KLF2: variants seen among roughly 807,000 people sequenced by gnomAD.
KLF2 encodes KLF transcription factor 2.
Under a neutral mutation model 22.2 loss-of-function variants are expected in KLF2, and 9 were observed. The observed-to-expected ratio is 0.40, with a 90% CI of 0.24 to 0.71. The LOEUF (loss-of-function observed/expected upper bound fraction) is 0.71, where lower values mean the gene tolerates loss of function less well. KLF2 is among the 30% of genes least tolerant of loss of function. The probability of loss-of-function intolerance (pLI) is 0.35; values close to 1 mark genes in which losing one functional copy is unlikely to be tolerated. For synonymous variants in KLF2, 299 were observed against 264.2 expected, an observed-to-expected ratio of 1.13 and a Z score of -1.28; for missense variants, 481 against 542.1, an observed-to-expected ratio of 0.89 and a Z score of 1.12.
Position 16,327,155 on chromosome 19 carries a change from C to A in KLF2, c.*124C>A. On this transcript the variant is annotated 3_prime_UTR_variant, in exon 3 of 3. Coordinates refer to ENST00000248071, the MANE Select transcript of KLF2 (RefSeq NM_016270.4). ...AACCGGGCCGGGCACAGCGTGGCTA[C>A]AGAGGGTCTCCCTCGATGACGACGA... 1.1e-6 allele frequency: 1 copy of A among 942,722 alleles called. No homozygotes were observed. The highest frequency in any genetic ancestry group is 1.5e-6 in the Non-Finnish European group (1 of 658,936). 58.4% of individuals were successfully genotyped at this position (942,722 alleles called of 1,614,324 possible). A position where few individuals can be genotyped will look rare whatever the true frequency, so the allele number is the denominator to read the frequency against.
Position 16,325,777 on chromosome 19 carries a change from C to CCGCCTG in KLF2, c.642_647dup (p.Ala215_Pro216dup). The CCGCCTG allele has an allele frequency of 3.1e-6, 4 of 1,291,834 alleles. No individual in the cohort carries two copies. Among genetic ancestry groups the CCGCCTG allele is most frequent in the Non-Finnish European group, 2.9e-6 (3 of 1,025,434 alleles). The allele number at this position is 1,291,834 out of a possible 1,614,324, so 80.0% of individuals were successfully genotyped here. On this transcript the variant is annotated inframe_insertion, in exon 2 of 3. Transcript: ENST00000248071. ...GCCCGGGCCCGGCCTGCATTACGCG[C>CCGCCTG]CGCCTGCGCCCCCAGCCTTCGGTCT...
chr19:16,325,284 C>T lies in KLF2; in HGVS notation c.144C>T (p.Ile48=), dbSNP rs919725556. 20 of 1,537,004 alleles carry T rather than the reference C, an allele frequency of 1.3e-5. No homozygotes were observed. The highest frequency in any genetic ancestry group is 7.2e-5 in the South Asian group (6 of 83,724). The change falls in exon 2 of 3, where the codon ATC becomes ATT. Residue 48 remains isoleucine (I), a synonymous_variant. Coordinates refer to ENST00000248071, the MANE Select transcript of KLF2 (RefSeq NM_016270.4). The stretch of plus-strand genomic sequence containing the variant: ...ACCTCAACAGCGTGCTGGACTTCAT[C>T]CTGTCCATGGGGCTGGATGGCCTGG... ...DDDLNSVLDF[I]LSMGLDGLGA...
Position 16,325,465 on chromosome 19 carries a change from C to T in KLF2, c.325C>T (p.His109Tyr), listed in dbSNP as rs1229238819. Residue 109 changes from histidine (H) to tyrosine (Y), a missense_variant, in exon 2 of 3, where the codon CAC (histidine) becomes TAC (tyrosine). Physicochemically the swap from His to Tyr is moderately conservative, Grantham distance 83. Coordinates refer to ENST00000248071, the MANE Select transcript of KLF2 (RefSeq NM_016270.4). ...ELDAPLGPAL[H>Y]GRFLLAPPGR... ...GGATGCGCCGCTGGGGCCCGCACTG[C>T]ACGGCCGCTTTCTGCTGGCGCCGCC... 7.2e-7 allele frequency: 1 copy of T among 1,385,742 alleles called. No individual in the cohort carries two copies. The highest frequency in any genetic ancestry group is 9.3e-7 in the Non-Finnish European group (1 of 1,074,538). The allele number at this position is 1,385,742 out of a possible 1,614,324, so 85.8% of individuals were successfully genotyped here. A position where few individuals can be genotyped will look rare whatever the true frequency, so the allele number is the denominator to read the frequency against.
In KLF2 at chr19:16,328,069, C is replaced by T. The variant is rs1220961106; in HGVS notation, c.*1038C>T. Among the ~76,000 whole-genome samples the T allele has an allele frequency of 6.6e-6, 1 of 152,132 alleles. No homozygotes were observed. Among genetic ancestry groups the T allele is most frequent in the Non-Finnish European group, 1.5e-5 (1 of 68,026 alleles). ...GTGAAACCTGCATTCGAGGGCCATGCATGAAGCTCTTTTCCAGATGAGGAA... is the reference window on the plus strand; with the variant it reads ...GTGAAACCTGCATTCGAGGGCCATGTATGAAGCTCTTTTCCAGATGAGGAA... On this transcript the variant is annotated 3_prime_UTR_variant, in exon 3 of 3. Coordinates refer to ENST00000248071, the MANE Select transcript of KLF2 (RefSeq NM_016270.4).
In KLF2 at chr19:16,326,941, C is replaced by T. The variant is rs776929978; in HGVS notation, c.978C>T (p.His326=). 141 of 1,613,450 alleles carry T rather than the reference C, an allele frequency of 8.7e-5. No homozygotes were observed. The highest frequency in any genetic ancestry group is 1.1e-4 in the Non-Finnish European group (133 of 1,179,978). The change falls in exon 3 of 3, where the codon CAC becomes CAT. Residue 326 remains histidine, a synonymous_variant. Coordinates refer to ENST00000248071, the MANE Select transcript of KLF2 (RefSeq NM_016270.4). The part of the protein sequence containing the change: ...SDELTRHYRK[H]TGHRPFQCHL... The stretch of plus-strand genomic sequence containing the variant: ...AGCTCACGCGCCACTACCGAAAGCA[C>T]ACGGGCCACCGGCCATTCCAGTGCC...
chr19:16,325,755 C>G lies in KLF2; in HGVS notation c.615C>G (p.Pro205=). The change falls in exon 2 of 3, where the codon CCC becomes CCG. Residue 205 remains proline (P), a synonymous_variant. Coordinates refer to ENST00000248071, the MANE Select transcript of KLF2 (RefSeq NM_016270.4). ...PPFGGPGFGA[P]GPGLHYAPPA... ...TCGGTGGCCCTGGTTTCGGCGCGCC[C>G]GGGCCCGGCCTGCATTACGCGCCGC... 2 of 1,228,664 alleles carry G rather than the reference C, an allele frequency of 1.6e-6. No homozygotes were observed. The highest frequency in any genetic ancestry group is 6.8e-5 in the East Asian group (2 of 29,252). The allele number at this position is 1,228,664 out of a possible 1,614,324, so 76.1% of individuals were successfully genotyped here. A position where few individuals can be genotyped will look rare whatever the true frequency, so the allele number is the denominator to read the frequency against.
Position 16,325,350 on chromosome 19 carries a change from G to A in KLF2, c.210G>A (p.Pro70=), listed in dbSNP as rs1475013797. Residue 70 remains proline, a synonymous_variant, in exon 2 of 3, where the codon CCG becomes CCA. Coordinates refer to ENST00000248071, the MANE Select transcript of KLF2 (RefSeq NM_016270.4). ...AAPEPPPPPP[P]PAFYYPEPGA... is the part of the protein sequence containing the mutation. ...CGGAGCCGCCGCCGCCGCCCCCGCCGCCTGCGTTCTATTACCCCGAACCCG... is the reference window on the plus strand; with the variant it reads ...CGGAGCCGCCGCCGCCGCCCCCGCCACCTGCGTTCTATTACCCCGAACCCG... 2.0e-6 allele frequency: 3 copies of A among 1,464,920 alleles called. No individual in the cohort carries two copies. The highest frequency in any genetic ancestry group is 2.9e-5 in the East Asian group (1 of 34,272). 90.7% of individuals were successfully genotyped at this position (1,464,920 alleles called of 1,614,324 possible). A position where few individuals can be genotyped will look rare whatever the true frequency, so the allele number is the denominator to read the frequency against.
In KLF2 at chr19:16,325,603, CCGG is replaced by C. The variant is rs2091886901; in HGVS notation, c.468_470del (p.Ala157del). On this transcript the variant is annotated inframe_deletion, in exon 2 of 3. Coordinates refer to ENST00000248071, the MANE Select transcript of KLF2 (RefSeq NM_016270.4). ...CCTCAAGCGCGAGGGCGCCCCGGGC[CCGG>C]CGGCTTCGTGCATGCGAGGTCCCGG... 2 of 1,121,944 alleles carry C rather than the reference CCGG, an allele frequency of 1.8e-6. No homozygotes were observed. Among genetic ancestry groups the C allele is most frequent in the Non-Finnish European group, 2.2e-6 (2 of 919,508 alleles). 69.5% of individuals were successfully genotyped at this position (1,121,944 alleles called of 1,614,324 possible).
chr19:16,327,292 ATC>A lies in KLF2; in HGVS notation c.*263_*264del. On this transcript the variant is annotated 3_prime_UTR_variant, in exon 3 of 3. Coordinates refer to ENST00000248071, the MANE Select transcript of KLF2 (RefSeq NM_016270.4). ...AAAATGGTGCAATAATTTAAGTGGC[ATC>A]TTCTCTCCCACCGGGTCTACACTAG... is the stretch of plus-strand genomic sequence containing the variant. 2.3e-6 allele frequency: 1 copy of A among 427,292 alleles called. No homozygotes were observed. Among genetic ancestry groups the A allele is most frequent in the Non-Finnish European group, 4.2e-6 (1 of 237,662 alleles). The allele number at this position is 427,292 out of a possible 1,614,324, so 26.5% of individuals were successfully genotyped here.
intron 1 of KLF2, 46 bp downstream of exon 1, chr19:16,325,044 G>A (rs1165792684): frequency 6.7e-7 from 1 of 1,499,732 alleles, no homozygotes; most frequent in South Asian, 1.2e-5. Flanking sequence ...GTGGGCGGCG[G>A]GCTCGGGGTA....
At position 16,325,846 on chromosome 19, in the gene KLF2, C is replaced by G; in HGVS notation, c.706C>G (p.Pro236Ala). Reference sequence around the variant, plus strand: ...CGCCGCGGCAGCCCTGGGCCTGGCGCCCCCCGCCGCCCGCGGTCTCCTCAC... The same window carrying G: ...CGCCGCGGCAGCCCTGGGCCTGGCGGCCCCCGCCGCCCGCGGTCTCCTCAC... The part of the protein sequence containing the change: ...AAAAAALGLA[P>A]PAARGLLTPP... The change falls in exon 2 of 3, where the codon CCC (proline) becomes GCC (alanine). Residue 236 changes from proline (P) to alanine (A), a missense_variant. This residue lies in a region of KLF2 where 421 missense variants were observed against 435.1 expected (regional missense o/e 0.97). Coordinates refer to ENST00000248071, the MANE Select transcript of KLF2 (RefSeq NM_016270.4). The G allele has an allele frequency of 7.1e-7, 1 of 1,415,998 alleles. No homozygotes were observed. 87.7% of individuals were successfully genotyped at this position (1,415,998 alleles called of 1,614,324 possible).
At position 16,328,062 on chromosome 19, in the gene KLF2, G is replaced by A. The variant is rs2091895477; in HGVS notation, c.*1031G>A. Reference sequence around the variant, plus strand: ...GAAAACAGTGAAACCTGCATTCGAGGGCCATGCATGAAGCTCTTTTCCAGA... The same window carrying A: ...GAAAACAGTGAAACCTGCATTCGAGAGCCATGCATGAAGCTCTTTTCCAGA... On this transcript the variant is annotated 3_prime_UTR_variant, in exon 3 of 3. Coordinates refer to ENST00000248071, the MANE Select transcript of KLF2 (RefSeq NM_016270.4). Among the ~76,000 whole-genome samples, 1 of 152,098 alleles carries A rather than the reference G, an allele frequency of 6.6e-6. No individual in the cohort carries two copies. The highest frequency in any genetic ancestry group is 1.5e-5 in the Non-Finnish European group (1 of 68,030).
At position 16,324,856 on chromosome 19, in the gene KLF2, A is replaced by T; in HGVS notation, c.-68A>T. ...GCCGTCCCCGCCCGCCCGCGCCCCG[A>T]CCAGCCCGGCCTCGGGCAGCCACTC... On this transcript the variant is annotated 5_prime_UTR_variant, in exon 1 of 3. Transcript: ENST00000248071. The T allele has an allele frequency of 7.5e-7, 1 of 1,338,422 alleles. No individual in the cohort carries two copies. The highest frequency in any genetic ancestry group is 1.0e-6 in the Non-Finnish European group (1 of 975,646). The allele number at this position is 1,338,422 out of a possible 1,614,324, so 82.9% of individuals were successfully genotyped here.
Position 16,327,145 on chromosome 19 carries a change from A to G in KLF2, c.*114A>G, listed in dbSNP as rs2145197896. 1 of 1,070,630 alleles carries G rather than the reference A, an allele frequency of 9.3e-7. No individual in the cohort carries two copies. Among genetic ancestry groups the G allele is most frequent in the Non-Finnish European group, 1.3e-6 (1 of 772,058 alleles). The allele number at this position is 1,070,630 out of a possible 1,614,324, so 66.3% of individuals were successfully genotyped here. A position where few individuals can be genotyped will look rare whatever the true frequency, so the allele number is the denominator to read the frequency against. On this transcript the variant is annotated 3_prime_UTR_variant, in exon 3 of 3. Transcript: ENST00000248071. ...GGACCCAGAGAACCGGGCCGGGCAC[A>G]GCGTGGCTACAGAGGGTCTCCCTCG...
At position 16,326,953 on chromosome 19, in the gene KLF2, G is replaced by A. The variant is rs996440125; in HGVS notation, c.990G>A (p.Arg330=). 2.5e-6 allele frequency: 4 copies of A among 1,613,572 alleles called. No homozygotes were observed. The highest frequency in any genetic ancestry group is 1.1e-5 in the South Asian group (1 of 91,080). Residue 330 remains arginine, a synonymous_variant, in exon 3 of 3, where the codon CGG becomes CGA. Transcript: ENST00000248071. ...ACTACCGAAAGCACACGGGCCACCG[G>A]CCATTCCAGTGCCATCTGTGCGATC... ...TRHYRKHTGH[R]PFQCHLCDRA... is the part of the protein sequence containing the mutation.
rs1026935621 is a variant in KLF2, at chr19:16,325,675, G to A, written c.535G>A (p.Asp179Asn). Residue 179 changes from aspartate (D) to asparagine (N), a missense_variant, in exon 2 of 3, where the codon GAC becomes AAC. By Grantham distance (23) the Asp-to-Asn change is conservative. Around this residue, in one of 2 missense-constraint regions of KLF2, gnomAD observed 421 missense variants for 435.1 expected, o/e 0.97. Transcript: ENST00000248071. ...GCCCGACACACCGCCGCTCAGCCCC[G>A]ACGGCCCCGCGCGCCTGCCCGCGCC... ...PPPDTPPLSP[D>N]GPARLPAPGP... 9 of 1,090,840 alleles carry A rather than the reference G, an allele frequency of 8.3e-6. No individual in the cohort carries two copies. The African/African-American group carries it at 8.5e-5, about 10-fold the overall frequency. The allele number at this position is 1,090,840 out of a possible 1,614,324, so 67.6% of individuals were successfully genotyped here.
chr19:16,326,717 A>C, intron 2 of KLF2, 139 bp from the exon 3 acceptor site: 1 of 830,060 alleles, frequency 1.2e-6, no homozygotes, highest in South Asian at 1.7e-5. Context: ...GATGTAGGGC[A>C]AGGATCCCTC....
chr19:16,325,332 G>A lies in KLF2; in HGVS notation c.192G>A (p.Pro64=). The stretch of plus-strand genomic sequence containing the variant: ...TGGGCGCCGAGGCCGCCCCGGAGCC[G>A]CCGCCGCCGCCCCCGCCGCCTGCGT... ...DGLGAEAAPE[P]PPPPPPPAFY... Residue 64 remains proline, a synonymous_variant, in exon 2 of 3, where the codon CCG becomes CCA. Transcript: ENST00000248071. 6.8e-7 allele frequency: 1 copy of A among 1,473,402 alleles called. No homozygotes were observed. The highest frequency in any genetic ancestry group is 8.9e-7 in the Non-Finnish European group (1 of 1,119,554). The allele number at this position is 1,473,402 out of a possible 1,614,324, so 91.3% of individuals were successfully genotyped here.
Position 16,327,247 on chromosome 19 carries a change from C to T in KLF2, c.*216C>T. The T allele has an allele frequency of 2.0e-6, 1 of 499,938 alleles. No homozygotes were observed. Among genetic ancestry groups the T allele is most frequent in the Non-Finnish European group, 3.5e-6 (1 of 282,258 alleles). The allele number at this position is 499,938 out of a possible 1,614,324, so 31.0% of individuals were successfully genotyped here. On this transcript the variant is annotated 3_prime_UTR_variant, in exon 3 of 3. Transcript: ENST00000248071. ...CCGGTGGGAAAAGACCACGATCCTC[C>T]TTGACGAGTTTTGTTTTTCAAAATG...
Sources: allele counts gnomAD v4.1 joint callset (sites outside exome capture counted in the v4.1 genomes callset), GRCh38; gene constraint gnomAD v4.1.1; regional missense constraint gnomAD v4.1.1; transcripts MANE v1.5; gene names NCBI Gene and HGNC (gene_info 2026-07-23, HGNC 2026-07-21).